The following FOXO1 variants were observed in gnomAD, a reference collection of about 807,000 sequenced individuals.
FOXO1 encodes the protein forkhead box O1.
Under a neutral mutation model 44.1 loss-of-function variants are expected in FOXO1, and 6 were observed. The ratio of observed to expected loss-of-function variants is 0.14; its 90% CI spans 0.07 to 0.27. The LOEUF (loss-of-function observed/expected upper bound fraction) is 0.27, where lower values mean the gene tolerates loss of function less well. FOXO1 is among the 10% of genes least tolerant of loss of function. The probability of loss-of-function intolerance (pLI) is 1.00; values close to 1 mark genes in which losing one functional copy is unlikely to be tolerated. For missense variants in FOXO1, 737 were observed against 888.8 expected (o/e 0.83, Z 2.17); for synonymous variants, 380 against 362.7 (o/e 1.05, Z -0.54).
intron 1 of FOXO1, among the ~76,000 whole-genome samples, chr13:40,628,749 C>T (rs1268394571): frequency 1.3e-5 from 2 of 152,144 alleles, no homozygotes; most frequent in Non-Finnish European, 2.9e-5. Flanking sequence ...TGAAATAATA[C>T]AAAACACTAC....
At chr13:40,637,810 G>A (rs1195108383) in intron 1 of FOXO1, among the ~76,000 whole-genome samples, 2 of 152,166 alleles carry the variant, frequency 1.3e-5, no homozygotes, top group Non-Finnish European at 2.9e-5. Context: ...CAGTGTGACC[G>A]GCAAACCGAA....
intron 1 of FOXO1, among the ~76,000 whole-genome samples, chr13:40,624,606 C>T (rs1393774899): frequency 6.6e-6 from 1 of 152,152 alleles, no homozygotes; most frequent in Non-Finnish European, 1.5e-5. Flanking sequence ...GGTAGCTAGC[C>T]AGGCAACTTG....
chr13:40,560,084 G>A lies in FOXO1; in HGVS notation c.1407C>T (p.Asp469=), dbSNP rs1361944129. ...PGLLKELLTS[D]SPPHNDIMTP... ...TCATAATGTCATTATGGGGAGGAGA[G>A]TCAGAAGTCAGCAACTCCTTCAAGA... The change falls in exon 2 of 3, where the codon GAC becomes GAT. Residue 469 remains aspartate, a synonymous_variant. Coordinates refer to ENST00000379561, the MANE Select transcript of FOXO1 (RefSeq NM_002015.4). This position sits in a 1 kb window ranked among gnomAD's most constrained non-coding sequence, Gnocchi z 5.1. 3.1e-6 allele frequency: 5 copies of A among 1,614,096 alleles called. No homozygotes were observed. The Admixed American group carries it at 6.7e-5, about 22-fold the overall frequency.
At chr13:40,639,250 A>C (rs1397329244) in intron 1 of FOXO1, among the ~76,000 whole-genome samples, 1 of 152,058 alleles carries the variant, frequency 6.6e-6, no homozygotes, top group Non-Finnish European at 1.5e-5. Flanking sequence ...GGAAGCAGGG[A>C]TATGGAGAAG....
intron 1 of FOXO1, among the ~76,000 whole-genome samples, chr13:40,623,362 C>T (rs1424714272): frequency 6.6e-6 from 1 of 152,132 alleles, no homozygotes; most frequent in Non-Finnish European, 1.5e-5. Flanking sequence ...TCTGCATTTA[C>T]GTCTGTGTGT....
At chr13:40,664,610 C>T (rs1278213295) in intron 1 of FOXO1, among the ~76,000 whole-genome samples, 1 of 152,172 alleles carries the variant, frequency 6.6e-6, no homozygotes, top group Non-Finnish European at 1.5e-5. Flanking sequence ...AATAGGGTGG[C>T]AAGGCAGGAA....
chr13:40,664,356 G>C (rs1878144797), intron 1 of FOXO1, among the ~76,000 whole-genome samples: 1 of 152,152 alleles, frequency 6.6e-6, no homozygotes, highest in Non-Finnish European at 1.5e-5. Context: ...CTGTCAGCTT[G>C]GGGAGGCCGC....
At chr13:40,599,179 A>T (rs1875718800) in intron 1 of FOXO1, among the ~76,000 whole-genome samples, 1 of 151,980 alleles carries the variant, frequency 6.6e-6, no homozygotes, top group African/African-American at 2.4e-5. Flanking sequence ...TACCAACTGA[A>T]CAAAACATGG....
Position 40,666,257 on chromosome 13 carries a change from G to A in FOXO1, c.-45C>T, listed in dbSNP as rs1407657040. On this transcript the variant is annotated 5_prime_UTR_variant, in exon 1 of 3. Transcript: ENST00000379561. Reference sequence around the variant, plus strand: ...CCAGCCGCAGGAGAGCCAAGAGGGGGAGAACGCAGCACTGGGGGCGGACGG... The same window carrying A: ...CCAGCCGCAGGAGAGCCAAGAGGGGAAGAACGCAGCACTGGGGGCGGACGG... 7.4e-7 allele frequency: 1 copy of A among 1,349,760 alleles called. No individual in the cohort carries two copies. Among genetic ancestry groups the A allele is most frequent in the Non-Finnish European group, 9.5e-7 (1 of 1,049,374 alleles). The allele number at this position is 1,349,760 out of a possible 1,614,324, so 83.6% of individuals were successfully genotyped here.
At chr13:40,610,740 G>A (rs1876200258) in intron 1 of FOXO1, among the ~76,000 whole-genome samples, 1 of 152,054 alleles carries the variant, frequency 6.6e-6, no homozygotes, top group Non-Finnish European at 1.5e-5. Context: ...TTCAATATAG[G>A]CTATAAAAAC....
chr13:40,628,973 C>T (rs1009647143), intron 1 of FOXO1, among the ~76,000 whole-genome samples: 2 of 152,174 alleles, frequency 1.3e-5, no homozygotes, highest in African/African-American at 4.8e-5. Context: ...TACCCAAACT[C>T]CCAAAGAGCA....
intron 1 of FOXO1, among the ~76,000 whole-genome samples, chr13:40,564,242 C>T (rs1019040349): frequency 6.6e-6 from 1 of 151,196 alleles, no homozygotes; most frequent in African/African-American, 2.4e-5. Flanking sequence ...ATTCAAGAAG[C>T]GTTCACTAAC....
chr13:40,644,892 A>G (rs570299811), intron 1 of FOXO1, among the ~76,000 whole-genome samples: 1 of 152,242 alleles, frequency 6.6e-6, no homozygotes, highest in African/African-American at 2.4e-5. Flanking sequence ...GGCAGCCAAC[A>G]CTACTCATCT....
chr13:40,616,737 T>G (rs1876435844), intron 1 of FOXO1, among the ~76,000 whole-genome samples: 2 of 152,144 alleles, frequency 1.3e-5, no homozygotes, highest in Non-Finnish European at 2.9e-5. Flanking sequence ...TGAGGCTGCA[T>G]GCAAGGGGTG....
chr13:40,656,045 T>C (rs1372939924), intron 1 of FOXO1, among the ~76,000 whole-genome samples: 9 of 152,130 alleles, frequency 5.9e-5, no homozygotes, highest in Non-Finnish European at 1.5e-5. Flanking sequence ...AACCTTTTGG[T>C]TCAACATGAG....
At chr13:40,617,374 G>A (rs932900807) in intron 1 of FOXO1, among the ~76,000 whole-genome samples, 2 of 152,108 alleles carry the variant, frequency 1.3e-5, no homozygotes, top group Non-Finnish European at 2.9e-5. Flanking sequence ...GAACCCAGGA[G>A]GCGGAGGTTG....
At chr13:40,630,105 A>G (rs66527125) in intron 1 of FOXO1, among the ~76,000 whole-genome samples, 14,886 of 152,202 alleles carry the variant, frequency 0.098, 928 homozygotes, top group East Asian at 0.24. Flanking sequence ...AAATAAGGGA[A>G]GGAGGTTTAA....
chr13:40,561,254 G>C (rs908526439), intron 1 of FOXO1, among the ~76,000 whole-genome samples: 1 of 151,286 alleles, frequency 6.6e-6, no homozygotes, highest in African/African-American at 2.4e-5. Flanking sequence ...CGGGAGGCTG[G>C]GGCAGGAGAA....
chr13:40,584,146 C>A (rs749068550), intron 1 of FOXO1, among the ~76,000 whole-genome samples: 9 of 152,000 alleles, frequency 5.9e-5, no homozygotes, highest in African/African-American at 9.7e-5. Flanking sequence ...AGTTTGCAGT[C>A]TTATATGGGT....
Sources: allele counts gnomAD v4.1 joint callset (sites outside exome capture counted in the v4.1 genomes callset), GRCh38; gene constraint gnomAD v4.1.1; non-coding constraint Gnocchi (gnomAD v3.1); transcripts MANE v1.5; gene names NCBI Gene and HGNC (gene_info 2026-07-23, HGNC 2026-07-21).